Variants in SNTG2 observed in about 807,000 individuals in gnomAD.
SNTG2 encodes gamma-2-syntrophin.
Under a neutral mutation model 70.9 loss-of-function variants are expected in SNTG2, and 74 were observed. The observed-to-expected ratio is 1.04, with a 90% CI of 0.86 to 1.27. SNTG2 has a LOEUF of 1.27. SNTG2 is among the 50% of genes most tolerant of loss of function. The pLI, the probability that SNTG2 is intolerant of heterozygous loss-of-function variation, is 0.00. For missense variants in SNTG2, 717 were observed against 690.7 expected, an observed-to-expected ratio of 1.04 and a Z score of -0.43; for synonymous variants, 278 against 273.8, an observed-to-expected ratio of 1.02 and a Z score of -0.15.
At chr2:1,080,024 C>T (rs1174390407) in intron 1 of SNTG2, among the ~76,000 whole-genome samples, 1 of 152,186 alleles carries the variant, frequency 6.6e-6, no homozygotes, top group Non-Finnish European at 1.5e-5. Flanking sequence ...CACCCTGTTC[C>T]GGGTCCTGCT....
chr2:1,098,435 G>T, intron 4 of SNTG2, 25 bp downstream of exon 4: 1 of 1,609,032 alleles, frequency 6.2e-7, no homozygotes, highest in Non-Finnish European at 8.5e-7. Flanking sequence ...AATGACCTGT[G>T]TATGCATCAC....
chr2:1,136,564 A>G (rs1489771615), intron 4 of SNTG2, among the ~76,000 whole-genome samples: 1 of 152,212 alleles, frequency 6.6e-6, no homozygotes, highest in Non-Finnish European at 1.5e-5. Context: ...ATATTTGCTA[A>G]ACACTAGAAG....
chr2:1,243,190 A>C (rs1677159996), intron 11 of SNTG2, among the ~76,000 whole-genome samples: 1 of 152,242 alleles, frequency 6.6e-6, no homozygotes, highest in African/African-American at 2.4e-5. Flanking sequence ...GGCCAACAGT[A>C]GCTCTTTATT....
chr2:964,717 G>T lies in SNTG2; in HGVS notation c.72+13649G>T, dbSNP rs564359400. On this transcript the variant is annotated intron_variant, in intron 1 of 16. Coordinates refer to ENST00000308624, the MANE Select transcript of SNTG2 (RefSeq NM_018968.4). ...GAGACACGGGGAGCTCTGGGGTGAG[G>T]CTGTTCCTGAGAGGCTGAGCCCTGG... 2.1e-4 allele frequency among the ~76,000 whole-genome samples: 32 copies of T among 152,280 alleles called. 1 individual carries two copies. The highest frequency in any genetic ancestry group is 7.0e-4 in the African/African-American group (29 of 41,544).
At chr2:952,179 C>G (rs1355852310) in intron 1 of SNTG2, among the ~76,000 whole-genome samples, 2 of 152,182 alleles carry the variant, frequency 1.3e-5, no homozygotes, top group African/African-American at 2.4e-5. Flanking sequence ...ATATGAATAG[C>G]TATCCCACTG....
At chr2:1,109,495 A>T (rs1418839894) in intron 4 of SNTG2, among the ~76,000 whole-genome samples, 1 of 152,146 alleles carries the variant, frequency 6.6e-6, no homozygotes, top group Non-Finnish European at 1.5e-5. Flanking sequence ...TAAAAAACAT[A>T]TGAAATGGGC....
chr2:1,235,041 A>G (rs1345597713), intron 9 of SNTG2, among the ~76,000 whole-genome samples: 1 of 152,232 alleles, frequency 6.6e-6, no homozygotes, highest in Non-Finnish European at 1.5e-5. Context: ...AGCGGTGACC[A>G]TGCGTGTCCT....
intron 1 of SNTG2, among the ~76,000 whole-genome samples, chr2:1,034,565 G>A (rs112335049): frequency 4.6e-5 from 7 of 152,086 alleles, no homozygotes; most frequent in Non-Finnish European, 1.0e-4. Flanking sequence ...ACTAATTTAC[G>A]CTTCCACCAA....
At chr2:1,136,236 T>C (rs1486335472) in intron 4 of SNTG2, among the ~76,000 whole-genome samples, 2 of 151,608 alleles carry the variant, frequency 1.3e-5, no homozygotes, top group Non-Finnish European at 2.9e-5. Flanking sequence ...TCAATACATG[T>C]TTTCAGGATG....
At chr2:1,154,891 CAA>C (rs1201503281) in intron 6 of SNTG2, among the ~76,000 whole-genome samples, 4 of 150,384 alleles carry the variant, frequency 2.7e-5, no homozygotes, top group East Asian at 2.0e-4. Flanking sequence ...ACCACACACA[CAA>C]AGACACATAC....
chr2:950,986 C>T lies in SNTG2; in HGVS notation c.-11C>T, dbSNP rs1016282818. On this transcript the variant is annotated 5_prime_UTR_variant, in exon 1 of 17. Coordinates refer to ENST00000308624, the MANE Select transcript of SNTG2 (RefSeq NM_018968.4). Reference sequence around the variant, plus strand: ...CCGGCCCGGAGCGCGGACCCAGCCGCAGGGGCGGCGATGGGCACCGAGGGA... The same window carrying T: ...CCGGCCCGGAGCGCGGACCCAGCCGTAGGGGCGGCGATGGGCACCGAGGGA... 2.5e-5 allele frequency: 31 copies of T among 1,235,978 alleles called. No homozygotes were observed. In the African/African-American group the frequency reaches 4.5e-4, roughly 18 times the overall value. 76.6% of individuals were successfully genotyped at this position (1,235,978 alleles called of 1,614,324 possible).
intron 12 of SNTG2, among the ~76,000 whole-genome samples, chr2:1,248,121 C>CT (rs1677544330): frequency 6.6e-6 from 1 of 152,184 alleles, no homozygotes; most frequent in South Asian, 2.1e-4. Flanking sequence ...GTTCATGGGA[C>CT]TTTTTTCCAT....
chr2:1,301,420 C>T (rs538607445), intron 14 of SNTG2, among the ~76,000 whole-genome samples: 1 of 152,248 alleles, frequency 6.6e-6, no homozygotes, highest in African/African-American at 2.4e-5. Context: ...GAGAAGTACT[C>T]AAAAAATATT....
chr2:1,251,757 C>T (rs775975375), intron 12 of SNTG2, among the ~76,000 whole-genome samples: 2 of 150,376 alleles, frequency 1.3e-5, no homozygotes, highest in African/African-American at 2.4e-5. Flanking sequence ...ACCACACACA[C>T]ACTACACGCA....
chr2:1,283,261 A>G (rs528850146), intron 14 of SNTG2, among the ~76,000 whole-genome samples: 112 of 151,966 alleles, frequency 7.4e-4, no homozygotes, highest in Non-Finnish European at 1.1e-3. Context: ...CCTCTCACCA[A>G]TCTTCTTGGC....
chr2:1,037,098 TCGCAGCTGCA>T (rs1572270465), intron 1 of SNTG2, among the ~76,000 whole-genome samples: 1 of 152,338 alleles, frequency 6.6e-6, no homozygotes, highest in South Asian at 2.1e-4. Flanking sequence ...TCTGAGTGGC[TCGCAGCTGCA>T]CGCTGCCATT....
At chr2:1,242,174 G>A (rs1249590153) in intron 11 of SNTG2, among the ~76,000 whole-genome samples, 1 of 152,072 alleles carries the variant, frequency 6.6e-6, no homozygotes, top group Non-Finnish European at 1.5e-5. Context: ...CTCCAAAAGT[G>A]GTGTGCTTTG....
At chr2:1,346,537 T>A (rs1242656894) in intron 16 of SNTG2, 2 of 152,076 alleles carry the variant, frequency 1.3e-5, no homozygotes, top group Non-Finnish European at 2.9e-5. Context: ...AGGGGCAAGC[T>A]CCCTCCAACG....
intron 1 of SNTG2, among the ~76,000 whole-genome samples, chr2:979,662 G>T (rs1231452330): frequency 6.6e-6 from 1 of 152,100 alleles, no homozygotes; most frequent in Non-Finnish European, 1.5e-5. Flanking sequence ...GTCTTTTTCT[G>T]CTCTCCTTTA....
Sources: gnomAD v4.1 joint callset for allele counts (sites outside exome capture counted in the v4.1 genomes callset) on GRCh38, gnomAD v4.1.1 for gene constraint, MANE v1.5 for transcripts, NCBI Gene and HGNC (gene_info 2026-07-23, HGNC 2026-07-21) for gene names.